Variants in PHKA1 observed in about 807,000 individuals in gnomAD.
The protein encoded by PHKA1 is phosphorylase kinase regulatory subunit alpha 1.
A neutral mutation model predicts 110.2 loss-of-function variants in PHKA1; 60 were observed. That is an observed-to-expected ratio of 0.54 (90% CI 0.44 to 0.68). The LOEUF is 0.68. Among genes scored for constraint, PHKA1 ranks in the 30% least tolerant of loss-of-function variants. The probability of loss-of-function intolerance (pLI) is 0.00; values close to 1 mark genes in which losing one functional copy is unlikely to be tolerated. For missense variants in PHKA1, 801 were observed against 942.5 expected (o/e 0.85, Z 1.97); for synonymous variants, 316 against 333.6 (o/e 0.95, Z 0.58).
chrX:72,640,494 C>T (rs2053283962), intron 14 of PHKA1, among the ~76,000 whole-genome samples: 2 of 112,093 alleles, frequency 1.8e-5, no homozygotes, highest in Non-Finnish European at 3.8e-5. Context: ...TTATCATATA[C>T]TGTTATTTTT....
At chrX:72,675,880 A>G (rs782410178) in intron 6 of PHKA1, among the ~76,000 whole-genome samples, 190 bp downstream of exon 6, 34 of 111,156 alleles carry the variant, frequency 3.1e-4, no homozygotes, top group African/African-American at 1.1e-3. Flanking sequence ...GCAGTTGGAT[A>G]TCAAATCTGC....
At chrX:72,584,465 C>A (rs2052385029) in intron 29 of PHKA1, among the ~76,000 whole-genome samples, 163 bp from the exon 30 acceptor site, 1 of 111,812 alleles carries the variant, frequency 8.9e-6, no homozygotes, top group African/African-American at 3.3e-5. Flanking sequence ...AGTGCCCTTG[C>A]CATGGAGTTG....
intron 5 of PHKA1, among the ~76,000 whole-genome samples, chrX:72,682,358 C>T (rs1411646409): frequency 1.3e-4 from 14 of 109,812 alleles, no homozygotes; most frequent in Admixed American, 4.7e-4. Context: ...GCCCCCTGCC[C>T]GGCCAGCCGC....
At chrX:72,589,452 C>A (rs1034247012) in intron 29 of PHKA1, among the ~76,000 whole-genome samples, 4 of 111,760 alleles carry the variant, frequency 3.6e-5, no homozygotes, top group Non-Finnish European at 5.6e-5. Context: ...CTATTTAAGA[C>A]AAACCCACAG....
At chrX:72,608,920 T>A (rs2052768402) in intron 23 of PHKA1, among the ~76,000 whole-genome samples, 1 of 112,222 alleles carries the variant, frequency 8.9e-6, no homozygotes, top group South Asian at 3.7e-4. Flanking sequence ...GAAGTTAGAA[T>A]CTCTCTAAAA....
chrX:72,690,474 G>A (rs781864763), intron 4 of PHKA1, among the ~76,000 whole-genome samples: 1 of 110,793 alleles, frequency 9.0e-6, no homozygotes, highest in Admixed American at 9.7e-5. Context: ...TAGGGCTGCC[G>A]TCCTTATAAG....
chrX:72,627,164 C>T, intron 16 of PHKA1, 115 bp from the exon 17 acceptor site: 4 of 558,646 alleles, frequency 7.2e-6, no homozygotes, highest in Non-Finnish European at 9.3e-6. Context: ...ATGAGACACT[C>T]CTCATTGACC....
chrX:72,654,820 C>T (rs1164746078), intron 10 of PHKA1, among the ~76,000 whole-genome samples: 2 of 91,041 alleles, frequency 2.2e-5, no homozygotes, highest in African/African-American at 4.2e-5. Context: ...TTTTTTGAGA[C>T]GGAGTCTCGC....
At chrX:72,683,186 C>A (rs2053930461) in intron 5 of PHKA1, among the ~76,000 whole-genome samples, 1 of 112,052 alleles carries the variant, frequency 8.9e-6, no homozygotes. Flanking sequence ...GCCTGTAATC[C>A]TAGCACTTTG....
At chrX:72,620,218 T>A in intron 19 of PHKA1, among the ~76,000 whole-genome samples, 1 of 111,506 alleles carries the variant, frequency 9.0e-6, no homozygotes, top group Non-Finnish European at 1.9e-5. Flanking sequence ...TATAAAGACA[T>A]TGAACACTCT....
Position 72,656,101 on chromosome X carries a change from T to A in PHKA1, c.1041+19A>T, listed in dbSNP as rs781917134. On this transcript the variant is annotated intron_variant, in intron 10 of 31. Transcript: ENST00000373542. ...ATAACAAAAACATTCTGCTGAAAAC[T>A]CTTTCCCCAGCTTATTACCTGTTCT... 12 of 1,209,410 alleles carry A rather than the reference T, an allele frequency of 9.9e-6. No individual in the cohort carries two copies. Among genetic ancestry groups the A allele is most frequent in the Admixed American group, 4.3e-5 (2 of 45,997 alleles).
In PHKA1 at chrX:72,705,198, C is replaced by A; in HGVS notation, c.285G>T (p.Gln95His). 8.5e-7 allele frequency: 1 copy of A among 1,177,210 alleles called. No homozygotes were observed. The highest frequency in any genetic ancestry group is 1.2e-6 in the Non-Finnish European group (1 of 866,603). Reference protein sequence around the residue: ...MRGLLHCMIRQVDKVESFKYS... With the variant: ...MRGLLHCMIRHVDKVESFKYS... ...GAGGAAGGTGTTATCAATACCATAC[C>A]TGTCTGATCATGCAGTGCAGTAGTC... Residue 95 changes from glutamine (Q) to histidine (H), a missense_variant and splice_region_variant, in exon 3 of 32, where the codon CAG becomes CAT. Gln to His is a conservative substitution (Grantham distance 24, BLOSUM62 0). Around this residue, in one of 2 missense-constraint regions of PHKA1, gnomAD observed 299 missense variants for 423.3 expected, o/e 0.71. Coordinates refer to ENST00000373542, the MANE Select transcript of PHKA1 (RefSeq NM_002637.4).
chrX:72,704,289 C>A, intron 3 of PHKA1, among the ~76,000 whole-genome samples: 1 of 111,735 alleles, frequency 8.9e-6, no homozygotes. Flanking sequence ...CTAAATTTTG[C>A]ATTAAAATTC....
rs782159405 is a variant in PHKA1, at chrX:72,611,149, C to T, written c.2405G>A (p.Arg802Gln). 100 of 1,204,775 alleles carry T rather than the reference C, an allele frequency of 8.3e-5. No homozygotes were observed. In the East Asian group the frequency reaches 2.5e-3, roughly 30 times the overall value. ...PDWNTELYNE[R>Q]SATVRELLTE... ...AAGAAGCTCTCTCACTGTAGCACTC[C>T]GTTCATTATACAATTCAGTGTTCCA... Residue 802 changes from arginine (R) to glutamine (Q), a missense_variant, in exon 22 of 32, where the codon CGG (arginine) becomes CAG (glutamine). Transcript: ENST00000373542.
At chrX:72,713,638 AAC>A (rs782314945) in intron 1 of PHKA1, among the ~76,000 whole-genome samples, 163 bp downstream of exon 1, 5 of 103,229 alleles carry the variant, frequency 4.8e-5, no homozygotes, top group Non-Finnish European at 1.0e-4. Context: ...TACACACACA[AAC>A]ACACACGCGG....
chrX:72,685,368 C>A (rs1326178802), intron 4 of PHKA1, among the ~76,000 whole-genome samples: 1 of 111,372 alleles, frequency 9.0e-6, no homozygotes, highest in Non-Finnish European at 1.9e-5. Flanking sequence ...AAATATATAA[C>A]CAGGAGGATG....
intron 19 of PHKA1, among the ~76,000 whole-genome samples, chrX:72,620,485 C>G (rs1306267509): frequency 2.7e-5 from 3 of 112,116 alleles, no homozygotes; most frequent in African/African-American, 9.7e-5. Context: ...TGTTCTGCCT[C>G]TTCTTACCAT....
chrX:72,583,201 A>C (rs940601262), intron 30 of PHKA1, among the ~76,000 whole-genome samples: 16 of 111,662 alleles, frequency 1.4e-4, no homozygotes, highest in African/African-American at 5.2e-4. Flanking sequence ...GTAGATTTGG[A>C]GTATAAAGAC....
At chrX:72,581,278 C>T in intron 31 of PHKA1, 103 bp from the exon 32 acceptor site, 2 of 561,666 alleles carry the variant, frequency 3.6e-6, no homozygotes, top group Admixed American at 4.9e-5. Context: ...CTCCCCAACA[C>T]CAATTAGTTG....
Sources: allele counts gnomAD v4.1 joint callset (sites outside exome capture counted in the v4.1 genomes callset), GRCh38; gene constraint gnomAD v4.1.1; regional missense constraint gnomAD v4.1.1; transcripts MANE v1.5; gene names NCBI Gene and HGNC (gene_info 2026-07-23, HGNC 2026-07-21).